SYT9: variants seen among roughly 807,000 people sequenced by gnomAD.
SYT9 encodes synaptotagmin 9, also known as synaptotagmin-9.
A neutral mutation model predicts 48.4 loss-of-function variants in SYT9; 22 were observed. The observed-to-expected ratio is 0.45, with a 90% confidence interval of 0.32 to 0.65. The LOEUF (loss-of-function observed/expected upper bound fraction) is 0.65, where lower values mean the gene tolerates loss of function less well. Among genes scored for constraint, SYT9 ranks in the 30% least tolerant of loss-of-function variants. The pLI is 0.03. For synonymous variants in SYT9, 265 were observed against 245.0 expected (o/e 1.08, Z -0.76); for missense variants, 577 against 622.0 (o/e 0.93, Z 0.77).
At chr11:7,403,183 A>T (rs1175727373) in intron 3 of SYT9, among the ~76,000 whole-genome samples, 1 of 152,124 alleles carries the variant, frequency 6.6e-6, no homozygotes, top group Non-Finnish European at 1.5e-5. Flanking sequence ...CACAAATTTT[A>T]ATATGTGTGT....
At chr11:7,324,823 G>A (rs986528217) in intron 3 of SYT9, among the ~76,000 whole-genome samples, 1 of 151,848 alleles carries the variant, frequency 6.6e-6, no homozygotes, top group Non-Finnish European at 1.5e-5. Flanking sequence ...TTTTATAAAT[G>A]TGCTAGGTGC....
chr11:7,381,194 T>C (rs1850556388), intron 3 of SYT9, among the ~76,000 whole-genome samples: 1 of 152,182 alleles, frequency 6.6e-6, no homozygotes, highest in African/African-American at 2.4e-5. Flanking sequence ...AGATGTTGTG[T>C]CAAGGTCCAC....
chr11:7,367,072 C>A lies in SYT9; in HGVS notation c.1045-48970C>A, dbSNP rs1265575187. On this transcript the variant is annotated intron_variant, in intron 3 of 6. Coordinates refer to ENST00000318881, the MANE Select transcript of SYT9 (RefSeq NM_175733.4). ...ATTACCCTTCTTTCCAGGAGACCAT[C>A]TTTTTTTTTTTTTTTTTTTTTTTTT... is the stretch of plus-strand genomic sequence containing the variant. 1.5e-4 allele frequency among the ~76,000 whole-genome samples: 8 copies of A among 53,260 alleles called. No individual in the cohort carries two copies. In the East Asian group the frequency reaches 2.2e-3, roughly 15 times the overall value. The allele number at this position is 53,260 out of a possible 152,430, so 34.9% of individuals were successfully genotyped here.
At chr11:7,268,221 A>G (rs1277790241) in intron 1 of SYT9, among the ~76,000 whole-genome samples, 1 of 152,002 alleles carries the variant, frequency 6.6e-6, no homozygotes, top group East Asian at 1.9e-4. Context: ...AAAGGTCATC[A>G]GCACTTCCAT....
At chr11:7,297,667 G>C (rs1286179404) in intron 1 of SYT9, among the ~76,000 whole-genome samples, 1 of 152,170 alleles carries the variant, frequency 6.6e-6, no homozygotes, top group African/African-American at 2.4e-5. Flanking sequence ...CATGTACACT[G>C]TGTTTTCTGC....
chr11:7,319,372 A>G (rs917115938), intron 3 of SYT9, among the ~76,000 whole-genome samples: 1 of 151,612 alleles, frequency 6.6e-6, no homozygotes, highest in African/African-American at 2.4e-5. Flanking sequence ...CACAAAACTG[A>G]GTTACTTTGA....
chr11:7,292,250 G>A (rs141749492), intron 1 of SYT9, among the ~76,000 whole-genome samples: 1 of 152,306 alleles, frequency 6.6e-6, no homozygotes, highest in East Asian at 1.9e-4. Context: ...AGCAAGACAA[G>A]ATCTGGCCAA....
chr11:7,464,926 CA>C (rs750584301), intron 6 of SYT9, among the ~76,000 whole-genome samples: 117 of 143,588 alleles, frequency 8.1e-4, no homozygotes, highest in Admixed American at 1.2e-3. Flanking sequence ...ACTAAAAATA[CA>C]AAAAAAAAAA....
intron 3 of SYT9, 73 bp from the exon 4 acceptor site, chr11:7,415,968 TG>T: frequency 6.3e-7 from 1 of 1,590,954 alleles, no homozygotes; most frequent in Non-Finnish European, 8.6e-7. Context: ...CCTTTCAGTG[TG>T]GCCTGAAGCT....
intron 3 of SYT9, among the ~76,000 whole-genome samples, chr11:7,357,215 G>C (rs1020259211): frequency 1.2e-4 from 19 of 152,052 alleles, no homozygotes; most frequent in Admixed American, 9.8e-4. Context: ...CCTACCGAAG[G>C]ATTTTTAGGA....
intron 2 of SYT9, among the ~76,000 whole-genome samples, chr11:7,311,265 G>A (rs756387214): frequency 2.6e-5 from 4 of 152,190 alleles, no homozygotes; most frequent in Admixed American, 6.5e-5. Context: ...TCGCGCCATT[G>A]CACTTCAGCC....
rs115840201 is a variant in SYT9 at position 7,346,674 on chromosome 11, C to T, written c.1044+32733C>T. 4.0e-3 allele frequency among the ~76,000 whole-genome samples: 606 copies of T among 152,206 alleles called. 3 individuals are homozygous for T. The highest frequency in any genetic ancestry group is 0.014 in the African/African-American group (578 of 41,526). On this transcript the variant is annotated intron_variant, in intron 3 of 6. Transcript: ENST00000318881. ...ACAAAATCAGTCTCACTTCAACTTG[C>T]GTCCCTTTTAAATTTTAAAATGTTT...
intron 6 of SYT9, among the ~76,000 whole-genome samples, chr11:7,436,490 TG>T (rs1847713086): frequency 6.6e-6 from 1 of 152,250 alleles, no homozygotes; most frequent in Non-Finnish European, 1.5e-5. Context: ...TGCTCCTATA[TG>T]TTTCTAGATT....
At chr11:7,248,751 T>C (rs7936922), upstream of SYT9, among the ~76,000 whole-genome samples, 269 of 152,320 alleles carry the variant, frequency 1.8e-3, 1 homozygote, top group African/African-American at 6.2e-3. Flanking sequence ...AAAATGACTA[T>C]ACTGCCAAAA....
chr11:7,402,753 T>C (rs2134076900), intron 3 of SYT9, among the ~76,000 whole-genome samples: 1 of 152,296 alleles, frequency 6.6e-6, no homozygotes, highest in South Asian at 2.1e-4. Context: ...CAGCATATAG[T>C]TGAGTCATGC....
intron 6 of SYT9, among the ~76,000 whole-genome samples, chr11:7,432,582 A>AT (rs1564902063): frequency 2.3e-3 from 8 of 3,506 alleles, no homozygotes; most frequent in Non-Finnish European, 4.0e-3. Context: ...AAAAAAAAAA[A>AT]ATATATATAC....
intron 3 of SYT9, among the ~76,000 whole-genome samples, chr11:7,350,226 A>G (rs1849887068): frequency 6.6e-6 from 1 of 152,320 alleles, no homozygotes; most frequent in East Asian, 1.9e-4. Flanking sequence ...TATGGTTGGA[A>G]ATAATACCTG....
intron 3 of SYT9, among the ~76,000 whole-genome samples, chr11:7,322,284 G>A (rs746634135): frequency 1.3e-5 from 2 of 152,158 alleles, no homozygotes; most frequent in African/African-American, 2.4e-5. Flanking sequence ...ACCACTACAC[G>A]TAGTGCTGAA....
chr11:7,432,578 AAAAAATATATATAC>A (rs1564902016), intron 6 of SYT9, among the ~76,000 whole-genome samples: 56 of 9,006 alleles, frequency 6.2e-3, no homozygotes, highest in Non-Finnish European at 8.8e-3. Flanking sequence ...AAAAAAAAAA[AAAAAATATATATAC>A]ATATATATAT....
Sources: allele counts gnomAD v4.1 joint callset (sites outside exome capture counted in the v4.1 genomes callset), GRCh38; gene constraint gnomAD v4.1.1; transcripts MANE v1.5; gene names NCBI Gene and HGNC (gene_info 2026-07-23, HGNC 2026-07-21).